The following METTL15 variants were observed in gnomAD, a reference collection of about 807,000 sequenced individuals.
METTL15 encodes 12S rRNA N(4)-cytidine methyltransferase METTL15.
METTL15 carries 34 observed loss-of-function variants against 38.3 expected under a neutral mutation model. The ratio of observed to expected loss-of-function variants is 0.89; its 90% CI spans 0.68 to 1.18. The LOEUF (loss-of-function observed/expected upper bound fraction) is 1.18, where lower values mean the gene tolerates loss of function less well. Among genes scored for constraint, METTL15 ranks in the 50% most tolerant of loss-of-function variants. The probability of loss-of-function intolerance (pLI) is 0.00; values close to 1 mark genes in which losing one functional copy is unlikely to be tolerated. For synonymous variants in METTL15, 162 were observed against 170.9 expected, an observed-to-expected ratio of 0.95 and a Z score of 0.41; for missense variants, 438 against 498.4, an observed-to-expected ratio of 0.88 and a Z score of 1.15.
intron 5 of METTL15, among the ~76,000 whole-genome samples, chr11:28,376,603 C>G (rs143940365): frequency 9.7e-4 from 148 of 152,154 alleles, no homozygotes; most frequent in African/African-American, 3.4e-3. Flanking sequence ...TGGGTCTTGA[C>G]TCTTTATCCA....
intron 6 of METTL15, among the ~76,000 whole-genome samples, chr11:28,316,521 T>C (rs114022184): frequency 0.041 from 6,186 of 152,226 alleles, 438 homozygotes; most frequent in African/African-American, 0.14. Flanking sequence ...CTGCAGACTT[T>C]TGAGTTACTG....
downstream of METTL15, among the ~76,000 whole-genome samples, chr11:28,336,855 T>A (rs1415837070): frequency 2.0e-5 from 3 of 152,186 alleles, no homozygotes; most frequent in Non-Finnish European, 2.9e-5. Context: ...CTTATTTTTT[T>A]AAAAACATTA....
chr11:28,134,390 G>A (rs530202620), intron 3 of METTL15, among the ~76,000 whole-genome samples: 6 of 152,270 alleles, frequency 3.9e-5, no homozygotes, highest in African/African-American at 1.4e-4. Flanking sequence ...TCCCCCGTGC[G>A]TATGTGGGCT....
chr11:28,127,527 C>G (rs1279992724), intron 3 of METTL15, among the ~76,000 whole-genome samples: 1 of 152,062 alleles, frequency 6.6e-6, no homozygotes, highest in East Asian at 1.9e-4. Flanking sequence ...ACTTTCAATA[C>G]TTGGGCTATT....
chr11:28,341,089 A>G (rs1202550961), intron 3 of METTL15, among the ~76,000 whole-genome samples: 2 of 152,084 alleles, frequency 1.3e-5, no homozygotes, highest in Non-Finnish European at 2.9e-5. Flanking sequence ...CAAACACCAC[A>G]TGTTCTCACT....
chr11:28,437,703 G>A (rs368171687), intron 6 of METTL15, among the ~76,000 whole-genome samples: 5 of 152,102 alleles, frequency 3.3e-5, no homozygotes, highest in African/African-American at 7.2e-5. Flanking sequence ...GTACTTGTTC[G>A]TTTTATTTTG....
At chr11:28,283,199 GT>G (rs1182893355) in intron 4 of METTL15, among the ~76,000 whole-genome samples, 2 of 151,980 alleles carry the variant, frequency 1.3e-5, no homozygotes, top group African/African-American at 4.8e-5. Context: ...CAAATTCAAA[GT>G]TTTTCTTGAA....
At chr11:28,151,919 A>T (rs1850103209) in intron 3 of METTL15, among the ~76,000 whole-genome samples, 1 of 151,848 alleles carries the variant, frequency 6.6e-6, no homozygotes, top group Non-Finnish European at 1.5e-5. Flanking sequence ...TTTTATACCC[A>T]CTGTTATTGG....
At chr11:28,360,256 A>G (rs1399052487) in intron 4 of METTL15, among the ~76,000 whole-genome samples, 3 of 152,164 alleles carry the variant, frequency 2.0e-5, no homozygotes, top group Admixed American at 2.0e-4. Context: ...AGATGGGCCT[A>G]CCAGCCAAAT....
chr11:28,188,999 T>C (rs917195311), intron 3 of METTL15, among the ~76,000 whole-genome samples: 5 of 151,382 alleles, frequency 3.3e-5, no homozygotes, highest in African/African-American at 7.2e-5. Context: ...TTTACCATAA[T>C]GTGTTCAATG....
At chr11:28,356,719 C>A (rs1850093043) in intron 4 of METTL15, among the ~76,000 whole-genome samples, 1 of 152,144 alleles carries the variant, frequency 6.6e-6, no homozygotes, top group African/African-American at 2.4e-5. Context: ...GGCCTGGAAA[C>A]AAAAACACCA....
chr11:28,235,124 G>C (rs1187797744), intron 4 of METTL15, among the ~76,000 whole-genome samples: 1 of 152,012 alleles, frequency 6.6e-6, no homozygotes, highest in African/African-American at 2.4e-5. Flanking sequence ...GTAGATATGA[G>C]GCGTTATTTC....
intron 5 of METTL15, among the ~76,000 whole-genome samples, chr11:28,415,747 T>C (rs572378108): frequency 6.6e-6 from 1 of 152,296 alleles, no homozygotes; most frequent in African/African-American, 2.4e-5. Flanking sequence ...GACTTAGGTA[T>C]AAGAAAAGGA....
At chr11:28,134,678 T>G in intron 3 of METTL15, 1 of 398,234 alleles carries the variant, frequency 2.5e-6, no homozygotes. Flanking sequence ...GAATGGCATG[T>G]CCATGCATGG....
At chr11:28,380,562 GTCT>G (rs1850372133) in intron 5 of METTL15, among the ~76,000 whole-genome samples, 2 of 151,894 alleles carry the variant, frequency 1.3e-5, no homozygotes, top group Non-Finnish European at 2.9e-5. Context: ...CTTTCTTACT[GTCT>G]TCATTTGTGG....
At chr11:28,209,532 A>T (rs1852530745) in intron 3 of METTL15, among the ~76,000 whole-genome samples, 1 of 152,104 alleles carries the variant, frequency 6.6e-6, no homozygotes, top group African/African-American at 2.4e-5. Context: ...TAGTGATAGA[A>T]GTACAAAGTT....
chr11:28,211,693 A>G (rs997474853), intron 4 of METTL15, among the ~76,000 whole-genome samples: 3 of 152,072 alleles, frequency 2.0e-5, no homozygotes, highest in Non-Finnish European at 4.4e-5. Flanking sequence ...TGTATAACTA[A>G]AGAACTTTTT....
At chr11:28,366,441 G>A (rs905654837) in intron 5 of METTL15, among the ~76,000 whole-genome samples, 3 of 152,190 alleles carry the variant, frequency 2.0e-5, no homozygotes, top group South Asian at 4.1e-4. Context: ...AGGACTAGGA[G>A]CAATGAGTAG....
intron 6 of METTL15, among the ~76,000 whole-genome samples, chr11:28,507,840 C>A (rs1851642548): frequency 6.6e-6 from 1 of 152,170 alleles, no homozygotes; most frequent in Non-Finnish European, 1.5e-5. Context: ...CCTGGATTAT[C>A]ATAAACTCTT....
Sources: gnomAD v4.1 joint callset for allele counts (sites outside exome capture counted in the v4.1 genomes callset) on GRCh38, gnomAD v4.1.1 for gene constraint, MANE v1.5 for transcripts, NCBI Gene and HGNC (gene_info 2026-07-23, HGNC 2026-07-21) for gene names.